Variants in NELL1 observed in about 807,000 individuals in gnomAD.
NELL1 encodes the protein protein kinase C-binding protein NELL1.
NELL1 carries 76 observed loss-of-function variants against 107.4 expected under a neutral mutation model. The observed-to-expected ratio is 0.71, with a 90% confidence interval of 0.59 to 0.86. The LOEUF (loss-of-function observed/expected upper bound fraction) is 0.86, where lower values mean the gene tolerates loss of function less well. Ranked by LOEUF, NELL1 falls within the 40% of genes least tolerant of loss-of-function variation. The pLI, the probability that NELL1 is intolerant of heterozygous loss-of-function variation, is 0.00. For synonymous variants in NELL1, 353 were observed against 341.2 expected (o/e 1.03, Z -0.38); for missense variants, 1,024 against 1,005.5 (o/e 1.02, Z -0.25).
At chr11:21,292,568 GA>G (rs1178613236) in intron 14 of NELL1, among the ~76,000 whole-genome samples, 2 of 151,968 alleles carry the variant, frequency 1.3e-5, no homozygotes, top group Non-Finnish European at 2.9e-5. Context: ...CACAGAGTTA[GA>G]AAAAAACAAA....
chr11:21,408,578 G>T (rs1044964176), intron 15 of NELL1, among the ~76,000 whole-genome samples: 1 of 152,048 alleles, frequency 6.6e-6, no homozygotes, highest in Non-Finnish European at 1.5e-5. Context: ...CCCTTTGTCA[G>T]ATGAGTAGGT....
intron 4 of NELL1, among the ~76,000 whole-genome samples, chr11:20,877,878 C>T (rs904759501): frequency 6.6e-6 from 1 of 152,142 alleles, no homozygotes; most frequent in Non-Finnish European, 1.5e-5. Context: ...TGTAAAGGCT[C>T]AAGTGAATAC....
In NELL1 at chr11:21,384,150, T is replaced by C. The variant is rs578252987; in HGVS notation, c.1645+13202T>C. On this transcript the variant is annotated intron_variant, in intron 15 of 19. Coordinates refer to ENST00000357134, the MANE Select transcript of NELL1 (RefSeq NM_006157.5). ...AATCTAGATGATGGCATAAAACCTC[T>C]AACTCATCCTCCTTCCACTGTTATG... 5.3e-5 allele frequency among the ~76,000 whole-genome samples: 8 copies of C among 152,108 alleles called. No individual in the cohort carries two copies. The South Asian group carries it at 1.7e-3, about 32-fold the overall frequency.
chr11:20,780,113 T>C (rs775861629), intron 2 of NELL1, among the ~76,000 whole-genome samples: 2 of 152,230 alleles, frequency 1.3e-5, no homozygotes, highest in Middle Eastern at 3.2e-3. Flanking sequence ...TTCACTCTAG[T>C]GAGTGCTAAT....
At chr11:20,843,621 T>C (rs887019334) in intron 3 of NELL1, among the ~76,000 whole-genome samples, 1 of 147,298 alleles carries the variant, frequency 6.8e-6, no homozygotes, top group African/African-American at 2.5e-5. Context: ...TATAAATATA[T>C]GAATATAAAA....
chr11:21,216,438 C>T (rs1371171348), intron 13 of NELL1, among the ~76,000 whole-genome samples: 3 of 152,180 alleles, frequency 2.0e-5, no homozygotes, highest in African/African-American at 4.8e-5. Context: ...CCACTGACAG[C>T]TTGCACTGTG....
chr11:21,489,926 A>T (rs1011501508), intron 15 of NELL1, among the ~76,000 whole-genome samples: 1 of 152,252 alleles, frequency 6.6e-6, no homozygotes, highest in Admixed American at 6.6e-5. Flanking sequence ...CCTATTTATC[A>T]TAGTACTGGG....
intron 13 of NELL1, among the ~76,000 whole-genome samples, chr11:21,169,578 A>G (rs1195907864): frequency 6.6e-6 from 1 of 151,956 alleles, no homozygotes; most frequent in Non-Finnish European, 1.5e-5. Context: ...TTTCTATTCT[A>G]TGATGAGCTA....
At chr11:21,049,259 C>T (rs1384771879) in intron 12 of NELL1, among the ~76,000 whole-genome samples, 1 of 152,180 alleles carries the variant, frequency 6.6e-6, no homozygotes, top group East Asian at 1.9e-4. Flanking sequence ...CTGTCAGTTA[C>T]CCACACTTCC....
intron 2 of NELL1, among the ~76,000 whole-genome samples, chr11:20,709,793 T>C (rs1855065745): frequency 6.6e-6 from 1 of 152,132 alleles, no homozygotes; most frequent in African/African-American, 2.4e-5. Flanking sequence ...TTTATTATTA[T>C]TCTTATTTTT....
intron 13 of NELL1, among the ~76,000 whole-genome samples, chr11:21,142,634 C>A (rs1031586666): frequency 1.3e-5 from 2 of 152,142 alleles, no homozygotes; most frequent in African/African-American, 2.4e-5. Context: ...GTAATAGAAG[C>A]TTTGTGATTC....
chr11:20,937,788 A>C lies in NELL1; in HGVS notation c.1000A>C (p.Lys334Gln). 1.2e-6 allele frequency: 2 copies of C among 1,613,932 alleles called. No homozygotes were observed. Among genetic ancestry groups the C allele is most frequent in the Non-Finnish European group, 8.5e-7 (1 of 1,179,834 alleles). Residue 334 changes from lysine (K) to glutamine (Q), a missense_variant and splice_region_variant, in exon 10 of 20, where the codon AAA becomes CAA. Coordinates refer to ENST00000357134, the MANE Select transcript of NELL1 (RefSeq NM_006157.5). The part of the protein sequence containing the change: ...AGQCCKVCRP[K>Q]CIYGGKVLAE... Reference sequence around the variant, plus strand: ...CCCATTTTTATGTTTTATTACAGCAAAATGTATCTATGGAGGAAAAGTTCT... The same window carrying C: ...CCCATTTTTATGTTTTATTACAGCACAATGTATCTATGGAGGAAAAGTTCT...
intron 15 of NELL1, among the ~76,000 whole-genome samples, chr11:21,445,595 G>A (rs866749544): frequency 6.6e-6 from 1 of 152,186 alleles, no homozygotes. Context: ...GCCTCTGAAA[G>A]CACTGGGATT....
intron 14 of NELL1, among the ~76,000 whole-genome samples, chr11:21,288,413 C>T (rs1381349521): frequency 6.6e-6 from 1 of 152,140 alleles, no homozygotes; most frequent in Non-Finnish European, 1.5e-5. Context: ...GTTTACAATT[C>T]TGGTGTTATA....
chr11:20,685,712 G>T (rs1854290894), intron 2 of NELL1, among the ~76,000 whole-genome samples: 1 of 152,082 alleles, frequency 6.6e-6, no homozygotes, highest in Non-Finnish European at 1.5e-5. Context: ...AAGTAATAGG[G>T]TATAGCTTTG....
intron 15 of NELL1, among the ~76,000 whole-genome samples, chr11:21,404,726 T>G (rs779841575): frequency 2.0e-5 from 3 of 152,128 alleles, no homozygotes; most frequent in Non-Finnish European, 4.4e-5. Context: ...GTAACTAATA[T>G]GGTCCAGAAC....
chr11:21,111,359 T>G (rs1016358578), intron 12 of NELL1, among the ~76,000 whole-genome samples: 3 of 152,108 alleles, frequency 2.0e-5, no homozygotes, highest in Non-Finnish European at 4.4e-5. Context: ...GACAAAAACT[T>G]TAGCCTCTAT....
chr11:21,115,604 G>A (rs770973148), intron 13 of NELL1, among the ~76,000 whole-genome samples: 30 of 151,858 alleles, frequency 2.0e-4, no homozygotes, highest in Non-Finnish European at 3.4e-4. Context: ...TATGCTATGT[G>A]AGTTTTCCTT....
chr11:21,423,180 C>T (rs1395258312), intron 15 of NELL1, among the ~76,000 whole-genome samples: 1 of 151,982 alleles, frequency 6.6e-6, no homozygotes, highest in East Asian at 1.9e-4. Context: ...TCCTCGCCAA[C>T]ATGGTGAAAC....
Sources: gnomAD v4.1 joint callset for allele counts (sites outside exome capture counted in the v4.1 genomes callset) on GRCh38, gnomAD v4.1.1 for gene constraint, MANE v1.5 for transcripts, NCBI Gene and HGNC (gene_info 2026-07-23, HGNC 2026-07-21) for gene names.